OPCML: variants seen among roughly 807,000 people sequenced by gnomAD.
OPCML encodes opioid binding protein/cell adhesion molecule like.
In OPCML, 13 loss-of-function variants were observed where a neutral mutation model predicts 37.8. The ratio of observed to expected loss-of-function variants is 0.34; its 90% CI spans 0.22 to 0.55. The LOEUF (loss-of-function observed/expected upper bound fraction) is 0.55. Among genes scored for constraint, OPCML ranks in the 20% least tolerant of loss-of-function variants. The probability of loss-of-function intolerance (pLI) is 0.91; values close to 1 mark genes in which losing one functional copy is unlikely to be tolerated. For missense variants in OPCML, 341 were observed against 435.6 expected, an observed-to-expected ratio of 0.78 and a Z score of 1.93; for synonymous variants, 176 against 168.8, an observed-to-expected ratio of 1.04 and a Z score of -0.33.
chr11:133,472,608 T>C (rs372594717), intron 1 of OPCML, among the ~76,000 whole-genome samples: 19 of 151,744 alleles, frequency 1.3e-4, no homozygotes, highest in African/African-American at 4.1e-4. Context: ...CTCAACAGGG[T>C]ATCTTGCTGA....
At chr11:132,531,484 C>A (rs2096324823) in intron 3 of OPCML, among the ~76,000 whole-genome samples, 1 of 152,178 alleles carries the variant, frequency 6.6e-6, no homozygotes, top group African/African-American at 2.4e-5. Context: ...GACGATTTTG[C>A]AGCTTGGAGT....
intron 1 of OPCML, among the ~76,000 whole-genome samples, chr11:133,381,417 G>A (rs1227353934): frequency 6.6e-6 from 1 of 152,236 alleles, no homozygotes; most frequent in African/African-American, 2.4e-5. Flanking sequence ...GAAAAATTCA[G>A]CTTGGAGCAG....
intron 1 of OPCML, among the ~76,000 whole-genome samples, chr11:133,080,526 T>C (rs1213291521): frequency 6.6e-5 from 10 of 150,820 alleles, no homozygotes; most frequent in Admixed American, 6.6e-4. Context: ...ATCTGTGGAA[T>C]GTTTTAGGTA....
intron 2 of OPCML, among the ~76,000 whole-genome samples, chr11:132,749,156 C>T (rs78991405): frequency 0.068 from 10,334 of 152,088 alleles, 502 homozygotes; most frequent in Non-Finnish European, 0.1. Context: ...GAGGTTATAA[C>T]GAGAAGATAG....
chr11:133,428,394 C>T (rs1946048361), intron 1 of OPCML, among the ~76,000 whole-genome samples: 1 of 152,068 alleles, frequency 6.6e-6, no homozygotes, highest in Non-Finnish European at 1.5e-5. Flanking sequence ...GCATTGGTAG[C>T]ATGATGAAAA....
chr11:133,521,099 C>T (rs189329942), intron 1 of OPCML, among the ~76,000 whole-genome samples: 34 of 152,292 alleles, frequency 2.2e-4, no homozygotes, highest in African/African-American at 7.2e-4. Flanking sequence ...GGTCGCCTTC[C>T]GAAGCAAGGC....
At chr11:133,408,110 A>G (rs1308390227) in intron 1 of OPCML, among the ~76,000 whole-genome samples, 1 of 152,214 alleles carries the variant, frequency 6.6e-6, no homozygotes, top group Non-Finnish European at 1.5e-5. Context: ...AGGCTAAATG[A>G]TATAAATAAG....
chr11:133,272,790 TC>T (rs1212792376), intron 1 of OPCML, among the ~76,000 whole-genome samples: 4 of 152,194 alleles, frequency 2.6e-5, no homozygotes, highest in Non-Finnish European at 5.9e-5. Context: ...TTAAGGAACA[TC>T]TCTTTGAGAA....
At chr11:132,974,566 A>T (rs545964256) in intron 1 of OPCML, among the ~76,000 whole-genome samples, 5 of 152,350 alleles carry the variant, frequency 3.3e-5, no homozygotes, top group East Asian at 1.9e-4. Flanking sequence ...AGTGTAAATT[A>T]GTTCAACCAT....
intron 1 of OPCML, among the ~76,000 whole-genome samples, chr11:132,975,929 C>A (rs971839835): frequency 2.6e-5 from 4 of 152,104 alleles, no homozygotes; most frequent in African/African-American, 9.7e-5. Context: ...CGCCACCATG[C>A]CCGGCTAATT....
chr11:132,856,553 G>A (rs1403509177), intron 2 of OPCML, among the ~76,000 whole-genome samples: 3 of 152,202 alleles, frequency 2.0e-5, no homozygotes, highest in African/African-American at 7.2e-5. Context: ...AACAGCTGAA[G>A]CTGGTGATCA....
intron 1 of OPCML, among the ~76,000 whole-genome samples, chr11:133,304,650 G>A (rs1390535755): frequency 2.0e-5 from 3 of 152,060 alleles, no homozygotes; most frequent in Non-Finnish European, 2.9e-5. Flanking sequence ...GTGAAAACAT[G>A]GAATATCCCA....
chr11:132,701,029 A>G (rs1179051304), intron 2 of OPCML, among the ~76,000 whole-genome samples: 2 of 152,108 alleles, frequency 1.3e-5, no homozygotes, highest in Non-Finnish European at 2.9e-5. Flanking sequence ...CTTTATTGTC[A>G]TTATATAGTG....
chr11:132,531,317 A>G (rs906755281), intron 3 of OPCML, among the ~76,000 whole-genome samples: 2 of 152,248 alleles, frequency 1.3e-5, no homozygotes, highest in Non-Finnish European at 2.9e-5. Flanking sequence ...AAGGAAGATA[A>G]CACAGAGAGT....
Position 133,177,430 on chromosome 11 carries a change from T to C in OPCML, c.62-234420A>G, listed in dbSNP as rs144834224. ...TAATTTATGATTTTGGACAGGTTAC[T>C]TGAACTTTATTAAGCTGAGCTAAAT... On this transcript the variant is annotated intron_variant, in intron 1 of 7. Transcript: ENST00000524381. The surrounding 1 kb of genome is among the most constrained non-coding windows in gnomAD (Gnocchi z 5.0). Among the ~76,000 whole-genome samples the C allele has an allele frequency of 8.6e-4, 131 of 152,340 alleles. No individual in the cohort carries two copies. Among genetic ancestry groups the C allele is most frequent in the African/African-American group, 3.0e-3 (124 of 41,580 alleles).
chr11:132,639,768 T>C (rs1335389830), intron 3 of OPCML, among the ~76,000 whole-genome samples: 2 of 152,190 alleles, frequency 1.3e-5, no homozygotes, highest in African/African-American at 4.8e-5. Context: ...GGACAACAGA[T>C]AACTTTAGAA....
chr11:133,144,081 A>G (rs1949863437), intron 1 of OPCML, among the ~76,000 whole-genome samples: 1 of 152,140 alleles, frequency 6.6e-6, no homozygotes, highest in Admixed American at 6.5e-5. Flanking sequence ...CTCTCCTCTG[A>G]GAGAGGACGT....
chr11:132,512,753 GTA>G (rs1191445665), intron 4 of OPCML, among the ~76,000 whole-genome samples: 2 of 143,278 alleles, frequency 1.4e-5, no homozygotes, highest in Non-Finnish European at 3.1e-5. Flanking sequence ...ATATATACAT[GTA>G]ATATATATAT....
chr11:133,127,735 T>G (rs748124873), intron 1 of OPCML, among the ~76,000 whole-genome samples: 1 of 151,870 alleles, frequency 6.6e-6, no homozygotes, highest in African/African-American at 2.4e-5. Flanking sequence ...AACAAATTGC[T>G]GTCATCACAA....
Sources: gnomAD v4.1 joint callset for allele counts (sites outside exome capture counted in the v4.1 genomes callset) on GRCh38, gnomAD v4.1.1 for gene constraint, Gnocchi (gnomAD v3.1) non-coding constraint, MANE v1.5 for transcripts, NCBI Gene and HGNC (gene_info 2026-07-23, HGNC 2026-07-21) for gene names.